Variants in KAZN observed in about 807,000 individuals in gnomAD.
KAZN encodes the protein kazrin, periplakin interacting protein, also known as kazrin.
KAZN carries 40 observed loss-of-function variants against 87.4 expected under a neutral mutation model. The observed-to-expected ratio is 0.46, with a 90% CI of 0.36 to 0.60. The LOEUF (loss-of-function observed/expected upper bound fraction) is 0.60, where lower values mean the gene tolerates loss of function less well. KAZN is among the 20% of genes least tolerant of loss of function. The probability of loss-of-function intolerance (pLI) is 0.00; values close to 1 mark genes in which losing one functional copy is unlikely to be tolerated. For synonymous variants in KAZN, 466 were observed against 458.3 expected, an observed-to-expected ratio of 1.02 and a Z score of -0.22; for missense variants, 898 against 1,073.9, an observed-to-expected ratio of 0.84 and a Z score of 2.29.
At chr1:14,089,119 A>G (rs1305185069) in intron 1 of KAZN, among the ~76,000 whole-genome samples, 2 of 151,914 alleles carry the variant, frequency 1.3e-5, no homozygotes, top group Non-Finnish European at 2.9e-5. Flanking sequence ...CTTTAATATC[A>G]ACATCTGCCA....
intron 3 of KAZN, among the ~76,000 whole-genome samples, chr1:15,043,623 C>A (rs1673145583): frequency 6.9e-6 from 1 of 145,626 alleles, no homozygotes; most frequent in South Asian, 2.2e-4. Context: ...GTCATGGGGC[C>A]TCCCCACTTC....
At chr1:14,984,228 G>C (rs1262831529) in intron 2 of KAZN, among the ~76,000 whole-genome samples, 1 of 151,948 alleles carries the variant, frequency 6.6e-6, no homozygotes, top group East Asian at 1.9e-4. Context: ...ATGGTGGTGT[G>C]CACCTGTAGT....
chr1:13,972,957 TATTGTCTATCACATGCCAGGA>T (rs1370545131), intron 1 of KAZN, among the ~76,000 whole-genome samples: 1 of 152,246 alleles, frequency 6.6e-6, no homozygotes, highest in African/African-American at 2.4e-5. Flanking sequence ...TTAACATATT[TATTGTCTATCACATGCCAGGA>T]ATTGTTTTAG....
At chr1:14,721,248 A>G (rs1407954993) in intron 1 of KAZN, among the ~76,000 whole-genome samples, 1 of 152,096 alleles carries the variant, frequency 6.6e-6, no homozygotes, top group Non-Finnish European at 1.5e-5. Flanking sequence ...CCTCCATGCT[A>G]TTCTCGTGCT....
intron 2 of KAZN, among the ~76,000 whole-genome samples, chr1:14,189,918 C>T (rs1646389241): frequency 6.6e-6 from 1 of 152,080 alleles, no homozygotes; most frequent in Non-Finnish European, 1.5e-5. Context: ...GTTTTATGGA[C>T]CTTCTGTTTT....
chr1:14,544,706 A>G (rs538380546), intron 2 of KAZN, among the ~76,000 whole-genome samples: 2 of 151,360 alleles, frequency 1.3e-5, no homozygotes, highest in East Asian at 3.9e-4. Flanking sequence ...GAAACTAAGG[A>G]TGCTCAGAAG....
At chr1:14,553,947 G>C (rs1673704649) in intron 2 of KAZN, among the ~76,000 whole-genome samples, 1 of 152,140 alleles carries the variant, frequency 6.6e-6, no homozygotes, top group Admixed American at 6.5e-5. Context: ...GTGTAACCAA[G>C]GGTGACACCA....
rs947409304 is a variant in KAZN, at chr1:14,833,060, G to T, written c.227-127624G>T. 1.4e-4 allele frequency among the ~76,000 whole-genome samples: 21 copies of T among 152,116 alleles called. 1 individual carries two copies. The highest frequency in any genetic ancestry group is 1.2e-3 in the Admixed American group (19 of 15,274). ...ATAATTTACTTAATCATAAATAAAA[G>T]ATAAAATTAATATTCTATTTACTCA... On this transcript the variant is annotated intron_variant, in intron 1 of 14. Coordinates refer to ENST00000376030, the MANE Select transcript of KAZN (RefSeq NM_201628.3).
At chr1:14,798,134 G>C (rs1366839677) in intron 1 of KAZN, among the ~76,000 whole-genome samples, 3 of 152,136 alleles carry the variant, frequency 2.0e-5, no homozygotes, top group Admixed American at 6.5e-5. Flanking sequence ...GCTCCCTGTT[G>C]CTGCCGCTTA....
At chr1:14,652,266 TGTG>T (rs1638427876) in intron 1 of KAZN, among the ~76,000 whole-genome samples, 1 of 152,164 alleles carries the variant, frequency 6.6e-6, no homozygotes, top group South Asian at 2.1e-4. Flanking sequence ...CCTGAAAAGT[TGTG>T]TGATATTTTT....
chr1:14,938,999 G>A (rs1660760842), intron 1 of KAZN, among the ~76,000 whole-genome samples: 2 of 152,130 alleles, frequency 1.3e-5, no homozygotes, highest in South Asian at 4.2e-4. Flanking sequence ...TTGAGATGGA[G>A]TCTCACTCAG....
chr1:13,902,066 G>A (rs56402272), intron 1 of KAZN, among the ~76,000 whole-genome samples: 13,499 of 152,314 alleles, frequency 0.089, 821 homozygotes, highest in Non-Finnish European at 0.12. Context: ...ACGGCCCCAG[G>A]CAGCCCCGGG....
intron 2 of KAZN, among the ~76,000 whole-genome samples, chr1:14,256,890 C>T (rs751395955): frequency 1.3e-5 from 2 of 152,094 alleles, no homozygotes; most frequent in Non-Finnish European, 1.5e-5. Context: ...GTAAAGGCAT[C>T]GATGATGCGT....
intron 1 of KAZN, among the ~76,000 whole-genome samples, chr1:14,777,981 A>C (rs1182984650): frequency 6.6e-6 from 1 of 152,148 alleles, no homozygotes; most frequent in Non-Finnish European, 1.5e-5. Flanking sequence ...TCTCGCCACC[A>C]TCTTGGTTTT....
At chr1:14,638,645 G>A (rs1454901240) in intron 1 of KAZN, among the ~76,000 whole-genome samples, 1 of 151,936 alleles carries the variant, frequency 6.6e-6, no homozygotes. Context: ...GCCCGCAGTG[G>A]GAAATGACCG....
chr1:14,914,973 C>T (rs1264155732), intron 1 of KAZN, among the ~76,000 whole-genome samples: 1 of 152,072 alleles, frequency 6.6e-6, no homozygotes, highest in African/African-American at 2.4e-5. Flanking sequence ...GGCGGATCAC[C>T]TGAGGTCAGG....
chr1:14,729,560 G>A (rs1196725450), intron 1 of KAZN, among the ~76,000 whole-genome samples: 1 of 152,222 alleles, frequency 6.6e-6, no homozygotes, highest in Non-Finnish European at 1.5e-5. Flanking sequence ...ATGGGAAGGT[G>A]TGTGAATGTA....
At chr1:14,168,959 TCAC>T (rs1645891767) in intron 1 of KAZN, among the ~76,000 whole-genome samples, 1 of 152,170 alleles carries the variant, frequency 6.6e-6, no homozygotes. Context: ...GTTGTTACCA[TCAC>T]CTCCCTCTGA....
At chr1:14,102,458 TG>T (rs1644278548) in intron 1 of KAZN, among the ~76,000 whole-genome samples, 3 of 151,682 alleles carry the variant, frequency 2.0e-5, no homozygotes, top group African/African-American at 7.3e-5. Context: ...AGAAAGAACC[TG>T]GGGAAAAATG....
Sources: allele counts gnomAD v4.1 joint callset (sites outside exome capture counted in the v4.1 genomes callset), GRCh38; gene constraint gnomAD v4.1.1; transcripts MANE v1.5; gene names NCBI Gene and HGNC (gene_info 2026-07-23, HGNC 2026-07-21).